The following OPCML variants were observed in gnomAD, a reference collection of about 807,000 sequenced individuals.
The protein encoded by OPCML is opioid binding protein/cell adhesion molecule like.
Under a neutral mutation model 37.8 loss-of-function variants are expected in OPCML, and 13 were observed. The observed-to-expected ratio is 0.34, with a 90% CI of 0.22 to 0.55. OPCML has a LOEUF of 0.55. OPCML is among the 20% of genes least tolerant of loss of function. The pLI, the probability that OPCML is intolerant of heterozygous loss-of-function variation, is 0.91. For synonymous variants in OPCML, 176 were observed against 168.8 expected (o/e 1.04, Z -0.33); for missense variants, 341 against 435.6 (o/e 0.78, Z 1.93).
rs867207333 is a variant in OPCML, at chr11:132,638,188, C to G, written c.379+18899G>C. 2.9e-3 allele frequency among the ~76,000 whole-genome samples: 221 copies of G among 75,402 alleles called. 2 individuals carry two copies. The highest frequency in any genetic ancestry group is 7.6e-3 in the African/African-American group (189 of 24,924). The allele number at this position is 75,402 out of a possible 152,430, so 49.5% of individuals were successfully genotyped here. ...CTATATATATATATATATATATATACAGAGAGAGAGAGAGCATATATACAG... is the reference window on the plus strand; with the variant it reads ...CTATATATATATATATATATATATAGAGAGAGAGAGAGAGCATATATACAG... On this transcript the variant is annotated intron_variant, in intron 3 of 7. Transcript: ENST00000524381.
chr11:133,230,135 T>A (rs1351014759), intron 1 of OPCML, among the ~76,000 whole-genome samples: 1 of 152,236 alleles, frequency 6.6e-6, no homozygotes, highest in Non-Finnish European at 1.5e-5. Flanking sequence ...AGAGTTTAGT[T>A]CCAAGGACAC....
At chr11:133,505,612 A>G (rs1235215393) in intron 1 of OPCML, among the ~76,000 whole-genome samples, 4 of 152,104 alleles carry the variant, frequency 2.6e-5, no homozygotes, top group Non-Finnish European at 5.9e-5. Context: ...CACATTTTCC[A>G]TCTACTCAGT....
intron 2 of OPCML, among the ~76,000 whole-genome samples, chr11:132,869,480 A>G (rs979099232): frequency 6.6e-6 from 1 of 152,308 alleles, no homozygotes; most frequent in East Asian, 1.9e-4. Flanking sequence ...CATCTGAATA[A>G]AAATACTTAC....
At chr11:133,484,028 G>A (rs1212876513) in intron 1 of OPCML, among the ~76,000 whole-genome samples, 1 of 126,592 alleles carries the variant, frequency 7.9e-6, no homozygotes, top group African/African-American at 3.0e-5. Context: ...TAGATGGACA[G>A]ATTAGATAGA....
At chr11:132,605,655 C>T (rs1032936291) in intron 3 of OPCML, among the ~76,000 whole-genome samples, 5 of 152,084 alleles carry the variant, frequency 3.3e-5, no homozygotes, top group Non-Finnish European at 5.9e-5. Context: ...GGCCCTGAGC[C>T]CCAGCTATAA....
At chr11:132,801,125 G>A (rs565721202) in intron 2 of OPCML, among the ~76,000 whole-genome samples, 1 of 152,210 alleles carries the variant, frequency 6.6e-6, no homozygotes, top group South Asian at 2.1e-4. Context: ...TTTTTGCAGT[G>A]TGCATCTTTC....
intron 1 of OPCML, among the ~76,000 whole-genome samples, chr11:133,509,533 G>A (rs145302129): frequency 7.2e-5 from 11 of 152,228 alleles, no homozygotes; most frequent in Admixed American, 2.6e-4. Flanking sequence ...GCAACTTGGC[G>A]GTGGTGGCAA....
intron 1 of OPCML, among the ~76,000 whole-genome samples, chr11:133,358,869 T>C (rs765172979): frequency 6.6e-6 from 1 of 151,984 alleles, no homozygotes. Context: ...GTGGAGGGAA[T>C]AACAAGAACA....
chr11:133,421,743 G>A, intron 1 of OPCML: 1 of 985,350 alleles, frequency 1.0e-6, no homozygotes, highest in South Asian at 4.7e-5. Context: ...CAAACAAACT[G>A]TGGCAATGAC....
rs186263209 is a variant in OPCML at position 132,590,768 on chromosome 11, T to C, written c.380-61582A>G. On this transcript the variant is annotated intron_variant, in intron 3 of 7. Transcript: ENST00000524381. Reference sequence around the variant, plus strand: ...CAGTTAAGCGGTGACCAGGGTCCCATTGTGGGCCACTGTCCAACACATCAA... The same window carrying C: ...CAGTTAAGCGGTGACCAGGGTCCCACTGTGGGCCACTGTCCAACACATCAA... Among the ~76,000 whole-genome samples the C allele has an allele frequency of 2.4e-3, 368 of 152,256 alleles. 2 individuals carry two copies. The highest frequency in any genetic ancestry group is 8.1e-3 in the African/African-American group (337 of 41,566).
At chr11:132,535,434 GAA>G (rs1313169963) in intron 3 of OPCML, among the ~76,000 whole-genome samples, 2 of 152,190 alleles carry the variant, frequency 1.3e-5, no homozygotes, top group Non-Finnish European at 2.9e-5. Flanking sequence ...AGAGGCAGAA[GAA>G]AAGTGGGCCT....
intron 1 of OPCML, chr11:133,004,302 T>C: frequency 1.0e-6 from 1 of 985,468 alleles, no homozygotes; most frequent in Non-Finnish European, 1.2e-6. Context: ...GCTGTAGCTG[T>C]AATTTAATTT....
intron 1 of OPCML, chr11:133,008,864 T>C (rs1379779476): frequency 1.9e-5 from 19 of 985,008 alleles, no homozygotes; most frequent in African/African-American, 3.5e-5. Context: ...TCAATTTTCA[T>C]GGAGCCCAAC....
chr11:132,835,512 GT>G (rs1474883849), intron 2 of OPCML, among the ~76,000 whole-genome samples: 1 of 152,220 alleles, frequency 6.6e-6, no homozygotes, highest in Non-Finnish European at 1.5e-5. Context: ...AGTGGTGACA[GT>G]TTTCTGTTCT....
chr11:132,963,326 T>C (rs1946133360), intron 1 of OPCML, among the ~76,000 whole-genome samples: 1 of 151,926 alleles, frequency 6.6e-6, no homozygotes, highest in Non-Finnish European at 1.5e-5. Context: ...GCACGGTGGC[T>C]CACGCCTGTA....
chr11:133,455,259 T>C (rs1169084035), intron 1 of OPCML, among the ~76,000 whole-genome samples: 1 of 152,240 alleles, frequency 6.6e-6, no homozygotes, highest in Non-Finnish European at 1.5e-5. Flanking sequence ...GCAATTAGTC[T>C]TCTTAGAACA....
intron 1 of OPCML, among the ~76,000 whole-genome samples, chr11:132,996,950 C>T (rs1037967768): frequency 6.6e-6 from 1 of 152,238 alleles, no homozygotes; most frequent in African/African-American, 2.4e-5. Context: ...TATTGTTCCA[C>T]TTTTCCTGGT....
chr11:133,114,919 T>C (rs1292433721), intron 1 of OPCML, among the ~76,000 whole-genome samples: 1 of 152,212 alleles, frequency 6.6e-6, no homozygotes. Flanking sequence ...CCTGTCCCCA[T>C]TTATGTTTTC....
chr11:133,174,000 G>A lies in OPCML; in HGVS notation c.62-230990C>T, dbSNP rs520024. On this transcript the variant is annotated intron_variant, in intron 1 of 7. Coordinates refer to ENST00000524381, the MANE Select transcript of OPCML (RefSeq NM_001012393.5). The surrounding 1 kb of genome is among the most constrained non-coding windows in gnomAD (Gnocchi z 7.8). ...ACCGGGACGCTGACATAAATCAGGG[G>A]CAGCAACGGATGAGCATGGAGAAAC... Among the ~76,000 whole-genome samples the A allele has an allele frequency of 0.075, 11,447 of 152,286 alleles. 561 individuals are homozygous for A. The highest frequency in any genetic ancestry group is 0.28 in the East Asian group (1,456 of 5,158).
Sources: allele counts gnomAD v4.1 joint callset (sites outside exome capture counted in the v4.1 genomes callset), GRCh38; gene constraint gnomAD v4.1.1; non-coding constraint Gnocchi (gnomAD v3.1); transcripts MANE v1.5; gene names NCBI Gene and HGNC (gene_info 2026-07-23, HGNC 2026-07-21).